RAD23B: variants seen among roughly 807,000 people sequenced by gnomAD.
RAD23B encodes RAD23 nucleotide excision repair protein B.
RAD23B carries 5 observed loss-of-function variants against 49.1 expected under a neutral mutation model. The observed-to-expected ratio is 0.10, with a 90% CI of 0.05 to 0.21. The LOEUF (loss-of-function observed/expected upper bound fraction) is 0.21. Ranked by LOEUF, RAD23B falls within the 10% of genes least tolerant of loss-of-function variation. The pLI is 1.00. For synonymous variants in RAD23B, 184 were observed against 165.4 expected (o/e 1.11, Z -0.86); for missense variants, 356 against 486.7 (o/e 0.73, Z 2.53).
chr9:107,294,168 T>C lies in RAD23B; in HGVS notation c.67-5973T>C, dbSNP rs952569583. 2.6e-5 allele frequency among the ~76,000 whole-genome samples: 4 copies of C among 152,208 alleles called. No individual in the cohort carries two copies. In the East Asian group the frequency reaches 7.7e-4, roughly 29 times the overall value. ...CTTTTAAATACACTTTATGATTGTC[T>C]TCCTTTGGAGGAAAAAAGAAAAACC... On this transcript the variant is annotated intron_variant, in intron 1 of 9. Transcript: ENST00000358015.
In RAD23B at chr9:107,331,223, CTGGGTATGG is replaced by C. The variant is rs1391756513; in HGVS notation, c.*1571_*1579del. The C allele has an allele frequency of 2.6e-5, 4 of 155,262 alleles. No individual in the cohort carries two copies. Among genetic ancestry groups the C allele is most frequent in the African/African-American group, 9.6e-5 (4 of 41,472 alleles). 9.6% of individuals were successfully genotyped at this position (155,262 alleles called of 1,614,324 possible). Reference sequence around the variant, plus strand: ...CTATTATGAAAATAAATGAAACTGGCTGGGTATGGTGGCTCATGCCTATAATCCCAGCAC... The same window carrying C: ...CTATTATGAAAATAAATGAAACTGGCTGGCTCATGCCTATAATCCCAGCAC... On this transcript the variant is annotated 3_prime_UTR_variant, in exon 10 of 10. Transcript: ENST00000358015.
rs548841376 is a variant in RAD23B at position 107,306,563 on chromosome 9, C to A, written c.413C>A (p.Ala138Glu). The change falls in exon 4 of 10, where the codon GCA becomes GAA. Residue 138 changes from alanine (A) to glutamate (E), a missense_variant. Coordinates refer to ENST00000358015, the MANE Select transcript of RAD23B (RefSeq NM_002874.5). ...PASATASSEP[A>E]PASAAKQEKP... ...TCAGCGACAGCATCTTCTGAACCTGCACCTGCTAGTGCAGCTAAACAAGAG... is the reference window on the plus strand; with the variant it reads ...TCAGCGACAGCATCTTCTGAACCTGAACCTGCTAGTGCAGCTAAACAAGAG... 6.2e-7 allele frequency: 1 copy of A among 1,614,054 alleles called. No individual in the cohort carries two copies. The highest frequency in any genetic ancestry group is 8.5e-7 in the Non-Finnish European group (1 of 1,180,042).
At chr9:107,285,673 G>T (rs539416187) in intron 1 of RAD23B, among the ~76,000 whole-genome samples, 1 of 152,264 alleles carries the variant, frequency 6.6e-6, no homozygotes, top group South Asian at 2.1e-4. Context: ...GTATATTTTT[G>T]AAAAGCCCAT....
At chr9:107,300,085 G>A in intron 1 of RAD23B, 56 bp from the exon 2 acceptor site, 1 of 1,570,528 alleles carries the variant, frequency 6.4e-7, no homozygotes, top group Non-Finnish European at 8.6e-7. Context: ...TTCAGATTCT[G>A]GATTGTCATT....
chr9:107,325,313 CAAAAAAAAAAAAAA>C (rs34042765), intron 9 of RAD23B, among the ~76,000 whole-genome samples: 6 of 61,378 alleles, frequency 9.8e-5, no homozygotes, highest in East Asian at 1.2e-3. Context: ...GACTCTGTCT[CAAAAAAAAAAAAAA>C]AAAAAAAAAA....
intron 3 of RAD23B, among the ~76,000 whole-genome samples, chr9:107,305,201 G>A (rs532709413): frequency 3.5e-4 from 53 of 152,272 alleles, no homozygotes; most frequent in Non-Finnish European, 5.9e-4. Context: ...TGTTGGGGGC[G>A]GGGGCAGTGG....
At chr9:107,309,493 G>T (rs1275208908) in intron 4 of RAD23B, among the ~76,000 whole-genome samples, 1 of 152,158 alleles carries the variant, frequency 6.6e-6, no homozygotes, top group Non-Finnish European at 1.5e-5. Flanking sequence ...AAGAAAAGAA[G>T]GCAAGCGTTG....
chr9:107,299,199 A>G (rs1279233313), intron 1 of RAD23B, among the ~76,000 whole-genome samples: 7 of 152,224 alleles, frequency 4.6e-5, no homozygotes, highest in Non-Finnish European at 7.3e-5. Flanking sequence ...TTAATTGTAC[A>G]AAAGAAACCT....
At chr9:107,287,883 C>G (rs1191563097) in intron 1 of RAD23B, among the ~76,000 whole-genome samples, 2 of 149,658 alleles carry the variant, frequency 1.3e-5, no homozygotes, top group Non-Finnish European at 3.0e-5. Context: ...TGCTTTAGTA[C>G]TTGCTCTGTA....
rs1283997446 is a variant in RAD23B at position 107,283,393 on chromosome 9, A to C, written c.-237A>C. 2.3e-6 allele frequency: 1 copy of C among 428,978 alleles called. No homozygotes were observed. Among genetic ancestry groups the C allele is most frequent in the Admixed American group, 4.4e-5 (1 of 22,804 alleles). 26.6% of individuals were successfully genotyped at this position (428,978 alleles called of 1,614,324 possible). A position where few individuals can be genotyped will look rare whatever the true frequency, so the allele number is the denominator to read the frequency against. On this transcript the variant is annotated 5_prime_UTR_variant, in exon 1 of 10. Coordinates refer to ENST00000358015, the MANE Select transcript of RAD23B (RefSeq NM_002874.5). ...GTGGCTGGCGCTCGGCGCGTGAGGA[A>C]GCACGGCGGCCCGAGTTCGCGGGGA...
In RAD23B at chr9:107,329,529, C is replaced by G; in HGVS notation, c.1117-14C>G. 6.7e-7 allele frequency: 1 copy of G among 1,500,804 alleles called. No individual in the cohort carries two copies. Among genetic ancestry groups the G allele is most frequent in the Non-Finnish European group, 9.2e-7 (1 of 1,091,146 alleles). The allele number at this position is 1,500,804 out of a possible 1,614,324, so 93.0% of individuals were successfully genotyped here. On this transcript the variant is annotated splice_polypyrimidine_tract_variant and intron_variant, in intron 9 of 9. Coordinates refer to ENST00000358015, the MANE Select transcript of RAD23B (RefSeq NM_002874.5). ...TGGTGTGTTGGATTTATATTTTTTT[C>G]CTTTTTCTTCCAGTTAAAGGCATTA...
chr9:107,329,162 C>G (rs1283604032), intron 9 of RAD23B, among the ~76,000 whole-genome samples: 3 of 152,190 alleles, frequency 2.0e-5, no homozygotes, highest in African/African-American at 7.2e-5. Context: ...CTTATCTTCA[C>G]TCTTAATATA....
At chr9:107,309,242 A>G (rs1057212538) in intron 4 of RAD23B, among the ~76,000 whole-genome samples, 3 of 152,212 alleles carry the variant, frequency 2.0e-5, no homozygotes, top group African/African-American at 7.2e-5. Context: ...AGAAATCAAC[A>G]AGCCCTCCTG....
chr9:107,300,062 C>G (rs1826615932), intron 1 of RAD23B, 79 bp from the exon 2 acceptor site: 2 of 1,499,666 alleles, frequency 1.3e-6, no homozygotes, highest in South Asian at 2.7e-5. Context: ...TAATTTTTGT[C>G]TTCCATTATT....
At chr9:107,319,085 G>T (rs1320910554) in intron 6 of RAD23B, among the ~76,000 whole-genome samples, 3 of 149,600 alleles carry the variant, frequency 2.0e-5, no homozygotes, top group Admixed American at 6.7e-5. Flanking sequence ...AGCTTTTTAG[G>T]TGCCACTATG....
intron 1 of RAD23B, among the ~76,000 whole-genome samples, chr9:107,294,832 G>A (rs1201294223): frequency 6.6e-6 from 1 of 152,114 alleles, no homozygotes; most frequent in Non-Finnish European, 1.5e-5. Flanking sequence ...GGATTATCCT[G>A]GAAGTCTAAG....
In RAD23B at chr9:107,296,611, G is replaced by C. The variant is rs1826526992; in HGVS notation, c.67-3530G>C. Among the ~76,000 whole-genome samples the C allele has an allele frequency of 2.0e-5, 3 of 151,748 alleles. No homozygotes were observed. The South Asian group carries it at 6.2e-4, about 32-fold the overall frequency. Reference sequence around the variant, plus strand: ...TGAGACAGTCTCATTCTGTCACCCAGGCTAGAGTGCAGTGGCATGATCTTG... The same window carrying C: ...TGAGACAGTCTCATTCTGTCACCCACGCTAGAGTGCAGTGGCATGATCTTG... On this transcript the variant is annotated intron_variant, in intron 1 of 9. Coordinates refer to ENST00000358015, the MANE Select transcript of RAD23B (RefSeq NM_002874.5).
At chr9:107,314,104 TC>T (rs1192400524) in intron 5 of RAD23B, among the ~76,000 whole-genome samples, 1 of 152,224 alleles carries the variant, frequency 6.6e-6, no homozygotes, top group Non-Finnish European at 1.5e-5. Flanking sequence ...GTCTGCCTCT[TC>T]CTTACCAGAG....
At position 107,283,297 on chromosome 9, in the gene RAD23B, C is replaced by CT; in HGVS notation, c.-333_-332insT. 1 of 404,238 alleles carries CT rather than the reference C, an allele frequency of 2.5e-6. No homozygotes were observed. Among genetic ancestry groups the CT allele is most frequent in the Non-Finnish European group, 4.3e-6 (1 of 230,236 alleles). The allele number at this position is 404,238 out of a possible 1,614,324, so 25.0% of individuals were successfully genotyped here. ...TCTCGGCGAGTCACGATGATGGCGG[C>CT]CACCATCCTGTGGTGAGCTAGCGGA... is the stretch of plus-strand genomic sequence containing the variant. On this transcript the variant is annotated 5_prime_UTR_variant, in exon 1 of 10. It removes the in-frame stop codon of an upstream open reading frame in the 5' UTR. Coordinates refer to ENST00000358015, the MANE Select transcript of RAD23B (RefSeq NM_002874.5).
Sources: allele counts gnomAD v4.1 joint callset (sites outside exome capture counted in the v4.1 genomes callset), GRCh38; gene constraint gnomAD v4.1.1; transcripts MANE v1.5; gene names NCBI Gene and HGNC (gene_info 2026-07-23, HGNC 2026-07-21).